KLRG1: variants seen among roughly 807,000 people sequenced by gnomAD.
KLRG1 encodes the protein killer cell lectin-like receptor subfamily G member 1.
In KLRG1, 16 loss-of-function variants were observed where a neutral mutation model predicts 21.8. That is an observed-to-expected ratio of 0.73 (90% confidence interval 0.50 to 1.11). The LOEUF (loss-of-function observed/expected upper bound fraction) is 1.11. Ranked by LOEUF, KLRG1 falls within the 50% of genes most tolerant of loss-of-function variation. The pLI, the probability that KLRG1 is intolerant of heterozygous loss-of-function variation, is 0.00. For missense variants in KLRG1, 173 were observed against 218.3 expected, an observed-to-expected ratio of 0.79 and a Z score of 1.31; for synonymous variants, 69 against 75.9, an observed-to-expected ratio of 0.91 and a Z score of 0.47.
At chr12:9,099,569 T>A in the KLRG1 span, 1 of 1,563,284 alleles carries the variant, frequency 6.4e-7, no homozygotes. Context: ...GGTTAATGAC[T>A]ATTTCCATTA....
At chr12:8,983,095 T>C (rs1460861697) in intron 1 of KLRG1, among the ~76,000 whole-genome samples, 1 of 152,220 alleles carries the variant, frequency 6.6e-6, no homozygotes, top group East Asian at 1.9e-4. Context: ...ATTTGCCTTA[T>C]CTGTTTTACT....
chr12:9,213,939 C>T, the KLRG1 span, among the ~76,000 whole-genome samples: 11 of 151,942 alleles, frequency 7.2e-5, no homozygotes, highest in African/African-American at 2.4e-4. Context: ...TATGTCTCCT[C>T]CTAGGAGTTT....
chr12:9,038,537 G>C, the KLRG1 span, among the ~76,000 whole-genome samples: 1 of 152,164 alleles, frequency 6.6e-6, no homozygotes, highest in Non-Finnish European at 1.5e-5. Flanking sequence ...ATCTAGATTA[G>C]TGTTGGATTG....
chr12:9,077,718 G>A, the KLRG1 span: 24 of 1,613,986 alleles, frequency 1.5e-5, no homozygotes, highest in Admixed American at 3.3e-5. Flanking sequence ...GCATTGTTGA[G>A]CAGTGACCCA....
upstream of KLRG1, among the ~76,000 whole-genome samples, chr12:8,989,310 C>G (rs1036803903): frequency 6.6e-6 from 1 of 152,204 alleles, no homozygotes; most frequent in Non-Finnish European, 1.5e-5. Flanking sequence ...AGTAACCACT[C>G]TCACTTTTAT....
At chr12:9,077,667 T>C in the KLRG1 span, 22 of 1,608,884 alleles carry the variant, frequency 1.4e-5, no homozygotes, top group Non-Finnish European at 1.9e-5. Flanking sequence ...GATATCATAA[T>C]GGACAAATCA....
the KLRG1 span, chr12:9,104,496 G>A: frequency 2.3e-6 from 3 of 1,310,584 alleles, no homozygotes; most frequent in African/African-American, 1.5e-5. Flanking sequence ...CCTCTATGTT[G>A]AACATGGTTC....
At chr12:9,113,219 A>T in the KLRG1 span, 1 of 802,216 alleles carries the variant, frequency 1.2e-6, no homozygotes, top group Non-Finnish European at 1.9e-6. Context: ...ATTGCTCCTT[A>T]ATTTCTATAC....
chr12:9,082,003 T>C, the KLRG1 span, among the ~76,000 whole-genome samples: 2 of 152,220 alleles, frequency 1.3e-5, no homozygotes, highest in African/African-American at 4.8e-5. Context: ...AGTTTCCAGA[T>C]GGCCAGTCTG....
chr12:9,068,740 C>A, the KLRG1 span: 1 of 1,593,692 alleles, frequency 6.3e-7, no homozygotes, highest in Non-Finnish European at 8.6e-7. Context: ...TCTCACTCAC[C>A]CGTCTCGTAG....
intron 1 of KLRG1, among the ~76,000 whole-genome samples, chr12:8,976,391 A>G (rs1946657924): frequency 6.6e-6 from 1 of 152,204 alleles, no homozygotes; most frequent in Admixed American, 6.5e-5. Flanking sequence ...CATGTGATCT[A>G]TCCTGGAGAA....
At chr12:9,205,908 C>G in the KLRG1 span, among the ~76,000 whole-genome samples, 2 of 152,150 alleles carry the variant, frequency 1.3e-5, no homozygotes, top group African/African-American at 4.8e-5. Flanking sequence ...ATGTAGTCTG[C>G]TCCAGCACAC....
the KLRG1 span, among the ~76,000 whole-genome samples, chr12:9,097,632 C>CTTTTTTT: frequency 4.1e-3 from 523 of 127,054 alleles, 9 homozygotes; most frequent in African/African-American, 0.011. Context: ...TGATGTAATT[C>CTTTTTTT]TTTTTTTTTT....
At chr12:8,996,401 G>A (rs1947131693) in intron 3 of KLRG1, 1 of 152,168 alleles carries the variant, frequency 6.6e-6, no homozygotes, top group Non-Finnish European at 1.5e-5. Flanking sequence ...ATTTGATACT[G>A]ATTTTTGTGT....
chr12:9,008,201 C>T (rs1265929543), intron 3 of KLRG1, among the ~76,000 whole-genome samples: 1 of 152,102 alleles, frequency 6.6e-6, no homozygotes. Context: ...TAGGCTTAAT[C>T]GTAATTTATA....
upstream of KLRG1, among the ~76,000 whole-genome samples, chr12:8,989,167 A>G (rs1946897455): frequency 6.6e-6 from 1 of 152,184 alleles, no homozygotes; most frequent in Non-Finnish European, 1.5e-5. Context: ...ATATGCACCC[A>G]ACAGTCCATT....
At chr12:9,080,441 G>A in the KLRG1 span, 3 of 247,610 alleles carry the variant, frequency 1.2e-5, no homozygotes, top group Admixed American at 1.6e-4. Flanking sequence ...GTAAGAGCCT[G>A]GTGATGTTGT....
chr12:9,070,517 A>C, the KLRG1 span: 2 of 1,613,792 alleles, frequency 1.2e-6, no homozygotes, highest in Non-Finnish European at 1.7e-6. Context: ...AGGGGAATGA[A>C]GCCAGAGACC....
At chr12:9,098,815 C>T in the KLRG1 span, 3 of 1,574,610 alleles carry the variant, frequency 1.9e-6, no homozygotes, top group East Asian at 2.3e-5. Flanking sequence ...CATGCATTCA[C>T]TCGCATTTGC....
Sources: gnomAD v4.1 joint callset for allele counts (sites outside exome capture counted in the v4.1 genomes callset) on GRCh38, gnomAD v4.1.1 for gene constraint, MANE v1.5 for transcripts, NCBI Gene and HGNC (gene_info 2026-07-23, HGNC 2026-07-21) for gene names.